Variants in GLDN observed in about 807,000 individuals in gnomAD.
The protein encoded by GLDN is gliomedin, also known as collomin.
GLDN carries 47 observed loss-of-function variants against 56.5 expected under a neutral mutation model. The ratio of observed to expected loss-of-function variants is 0.83; its 90% CI spans 0.66 to 1.06. The LOEUF (loss-of-function observed/expected upper bound fraction) is 1.06. GLDN is among the 50% of genes least tolerant of loss of function. The pLI is 0.00. For synonymous variants in GLDN, 332 were observed against 278.8 expected, an observed-to-expected ratio of 1.19 and a Z score of -1.90; for missense variants, 782 against 714.3, an observed-to-expected ratio of 1.09 and a Z score of -1.08.
intron 2 of GLDN, among the ~76,000 whole-genome samples, chr15:51,381,097 A>G (rs756604115): frequency 6.6e-5 from 10 of 152,372 alleles, no homozygotes; most frequent in East Asian, 1.9e-4. Context: ...TCCATAGGGC[A>G]TCAGTGGAAC....
chr15:51,341,785 C>T lies in GLDN; in HGVS notation c.101C>T (p.Thr34Met). 2 of 1,500,108 alleles carry T rather than the reference C, an allele frequency of 1.3e-6. No individual in the cohort carries two copies. The highest frequency in any genetic ancestry group is 1.8e-6 in the Non-Finnish European group (2 of 1,134,048). The allele number at this position is 1,500,108 out of a possible 1,614,324, so 92.9% of individuals were successfully genotyped here. Residue 34 changes from threonine (T) to methionine (M), a missense_variant, in exon 1 of 10, where the codon ACG becomes ATG. Coordinates refer to ENST00000335449, the MANE Select transcript of GLDN (RefSeq NM_181789.4). ...CTCTCGGCGCTCAACGCTGCGGGCA[C>T]GGTGTTCGCGCTGTGCCAGTGGCGC... is the stretch of plus-strand genomic sequence containing the variant. ...ALLSALNAAG[T>M]VFALCQWRGL... is the part of the protein sequence containing the mutation.
intron 1 of GLDN, 80 bp downstream of exon 1, chr15:51,342,127 TTCTCCCCTGGCCAGGCTGC>T: frequency 8.5e-7 from 1 of 1,170,814 alleles, no homozygotes; most frequent in Non-Finnish European, 1.1e-6. Context: ...CGACGCCCTC[TTCTCCCCTGGCCAGGCTGC>T]GAGGTGCTGC....
downstream of GLDN, among the ~76,000 whole-genome samples, chr15:51,412,786 T>C (rs1158444219): frequency 1.3e-5 from 2 of 152,206 alleles, no homozygotes; most frequent in Non-Finnish European, 2.9e-5. Context: ...TTTTTTGTAC[T>C]AATGTTTTAT....
In GLDN at chr15:51,404,388, TG is replaced by T; in HGVS notation, c.1291del (p.Glu431LysfsTer19). On this transcript the variant is annotated frameshift_variant, in exon 10 of 10. Transcript: ENST00000335449. LOFTEE classifies it high-confidence loss of function. ...SKTYFNLAVDEKGLWIIYASS... is the reference protein window; with the variant it reads ...SKTYFNLAVDXKGLWIIYASS... ...AAACTTACTTCAATCTAGCTGTAGA[TG>T]AAAAGGGCCTTTGGATTATCTATGC... 1 of 1,614,208 alleles carries T rather than the reference TG, an allele frequency of 6.2e-7. No individual in the cohort carries two copies. The highest frequency in any genetic ancestry group is 8.5e-7 in the Non-Finnish European group (1 of 1,180,028).
chr15:51,372,366 G>A (rs976270466), intron 1 of GLDN, among the ~76,000 whole-genome samples: 4 of 152,214 alleles, frequency 2.6e-5, no homozygotes, highest in African/African-American at 9.6e-5. Flanking sequence ...AAGTCGCCAT[G>A]CAATGTAATA....
chr15:51,366,736 C>T (rs2037410270), intron 1 of GLDN, among the ~76,000 whole-genome samples: 1 of 152,008 alleles, frequency 6.6e-6, no homozygotes, highest in Admixed American at 6.6e-5. Context: ...ATAGGCAGAC[C>T]CCCATCTCTA....
downstream of GLDN, among the ~76,000 whole-genome samples, chr15:51,412,345 G>A (rs890501216): frequency 7.2e-5 from 11 of 152,154 alleles, no homozygotes; most frequent in African/African-American, 2.4e-4. Context: ...TAGTGATAAG[G>A]GTTAAAGACA....
chr15:51,368,863 T>C (rs2037458892), intron 1 of GLDN, among the ~76,000 whole-genome samples: 1 of 152,198 alleles, frequency 6.6e-6, no homozygotes. Context: ...AAAAGCTTAC[T>C]GAGTGTTCTG....
At chr15:51,365,678 C>T (rs57132534) in intron 1 of GLDN, among the ~76,000 whole-genome samples, 86 of 152,278 alleles carry the variant, frequency 5.6e-4, no homozygotes, top group African/African-American at 1.9e-3. Flanking sequence ...TACACTACAC[C>T]TTTGGCCTCA....
In GLDN at chr15:51,404,382, T is replaced by A. The variant is rs756423942; in HGVS notation, c.1284T>A (p.Ala428=). 6.2e-7 allele frequency: 1 copy of A among 1,614,180 alleles called. No individual in the cohort carries two copies. The highest frequency in any genetic ancestry group is 1.1e-5 in the South Asian group (1 of 91,060). ...ATTCCAAAACTTACTTCAATCTAGC[T>A]GTAGATGAAAAGGGCCTTTGGATTA... is the stretch of plus-strand genomic sequence containing the variant. ...FANSKTYFNL[A]VDEKGLWIIY... is the part of the protein sequence containing the mutation. The change falls in exon 10 of 10, where the codon GCT becomes GCA. Residue 428 remains alanine, a synonymous_variant. Transcript: ENST00000335449.
intron 4 of GLDN, chr15:51,384,810 A>C (rs953117749): frequency 2.6e-5 from 4 of 151,772 alleles, no homozygotes; most frequent in African/African-American, 9.7e-5. Flanking sequence ...TCAGCCGGAG[A>C]CTCCACTGCA....
At chr15:51,392,991 A>T (rs958359817) in intron 4 of GLDN, among the ~76,000 whole-genome samples, 1 of 152,184 alleles carries the variant, frequency 6.6e-6, no homozygotes, top group African/African-American at 2.4e-5. Context: ...AGATACCCTT[A>T]TCTTGTTTCT....
chr15:51,383,565 T>A (rs2037816331), intron 3 of GLDN, 112 bp downstream of exon 3: 3 of 1,297,104 alleles, frequency 2.3e-6, no homozygotes, highest in Admixed American at 1.8e-5. Flanking sequence ...CAGTCCTGGC[T>A]GTGTGTCTCC....
chr15:51,384,108 C>T (rs547625299), intron 4 of GLDN: 25 of 584,454 alleles, frequency 4.3e-5, no homozygotes, highest in East Asian at 2.0e-4. Flanking sequence ...CTGGAGAAGC[C>T]GTCTCCTGGG....
At chr15:51,378,798 T>G (rs184869758) in intron 2 of GLDN, among the ~76,000 whole-genome samples, 5 of 152,330 alleles carry the variant, frequency 3.3e-5, no homozygotes, top group Admixed American at 3.3e-4. Context: ...GAGAGGATCC[T>G]TTGGGATAGA....
chr15:51,404,115 C>A (rs938432785), intron 9 of GLDN, among the ~76,000 whole-genome samples, 162 bp from the exon 10 acceptor site: 1 of 152,128 alleles, frequency 6.6e-6, no homozygotes, highest in Non-Finnish European at 1.5e-5. Flanking sequence ...ACAGCATTGC[C>A]CAAGGACCAG....
intron 4 of GLDN, among the ~76,000 whole-genome samples, chr15:51,393,164 C>T (rs924816082): frequency 6.6e-6 from 1 of 152,120 alleles, no homozygotes; most frequent in Admixed American, 6.5e-5. Flanking sequence ...TTTTCTATAT[C>T]ATTGAGATGA....
chr15:51,397,746 C>T (rs754969045), intron 6 of GLDN, 148 bp downstream of exon 6: 266 of 1,087,248 alleles, frequency 2.4e-4, no homozygotes, highest in South Asian at 1.5e-3. Flanking sequence ...AAACTTCTCA[C>T]AGGAGTTCTT....
At chr15:51,387,572 G>C (rs1016933401) in intron 4 of GLDN, among the ~76,000 whole-genome samples, 5 of 152,166 alleles carry the variant, frequency 3.3e-5, no homozygotes, top group Non-Finnish European at 5.9e-5. Flanking sequence ...TGGCACTGCA[G>C]GTCCTCACGT....
Sources: gnomAD v4.1 joint callset for allele counts (sites outside exome capture counted in the v4.1 genomes callset) on GRCh38, gnomAD v4.1.1 for gene constraint, MANE v1.5 for transcripts, NCBI Gene and HGNC (gene_info 2026-07-23, HGNC 2026-07-21) for gene names.